The following ALK variants were observed in gnomAD, a reference collection of about 807,000 sequenced individuals.
The protein encoded by ALK is ALK tyrosine kinase receptor.
ALK carries 74 observed loss-of-function variants against 163.1 expected under a neutral mutation model. That is an observed-to-expected ratio of 0.45 (90% CI 0.38 to 0.55). ALK has a LOEUF of 0.55. Ranked by LOEUF, ALK falls within the 20% of genes least tolerant of loss-of-function variation. ALK has a pLI of 0.00. For synonymous variants in ALK, 960 were observed against 843.2 expected (o/e 1.14, Z -2.40); for missense variants, 2,063 against 2,105.3 (o/e 0.98, Z 0.39).
chr2:29,489,013 G>A (rs1671841145), intron 4 of ALK, among the ~76,000 whole-genome samples: 1 of 152,158 alleles, frequency 6.6e-6, no homozygotes, highest in Admixed American at 6.5e-5. Context: ...ACTGATCATT[G>A]TCAGGATCTA....
At chr2:29,194,346 G>C (rs1192373225) in intron 28 of ALK, among the ~76,000 whole-genome samples, 10 of 152,060 alleles carry the variant, frequency 6.6e-5, no homozygotes, top group Admixed American at 5.9e-4. Flanking sequence ...GTGGGGGGCT[G>C]GGGGGAGGAG....
chr2:29,496,597 T>C (rs1428191484), intron 4 of ALK, among the ~76,000 whole-genome samples: 1 of 152,258 alleles, frequency 6.6e-6, no homozygotes, highest in Non-Finnish European at 1.5e-5. Context: ...GATAACTTTT[T>C]CTAATATGAC....
At chr2:29,442,964 T>G (rs1478539811) in intron 4 of ALK, among the ~76,000 whole-genome samples, 1 of 152,214 alleles carries the variant, frequency 6.6e-6, no homozygotes, top group Non-Finnish European at 1.5e-5. Flanking sequence ...AATTGCCACA[T>G]GGTGGCTACA....
At chr2:29,581,595 G>T (rs1057372017) in intron 3 of ALK, among the ~76,000 whole-genome samples, 1 of 152,106 alleles carries the variant, frequency 6.6e-6, no homozygotes, top group Non-Finnish European at 1.5e-5. Context: ...AGGCTGGGAA[G>T]GTGAAGTGTG....
intron 4 of ALK, among the ~76,000 whole-genome samples, chr2:29,417,111 C>T (rs1461854103): frequency 6.6e-6 from 1 of 151,468 alleles, no homozygotes; most frequent in African/African-American, 2.4e-5. Flanking sequence ...CCTCAGCCTC[C>T]CGGGTAGCTG....
intron 9 of ALK, among the ~76,000 whole-genome samples, chr2:29,289,805 A>G (rs1573197152): frequency 6.6e-6 from 1 of 152,082 alleles, no homozygotes; most frequent in Admixed American, 6.5e-5. Flanking sequence ...CTCTGCTTCT[A>G]TTCGTGTGGG....
chr2:29,840,096 C>A (rs1181004049), intron 1 of ALK, among the ~76,000 whole-genome samples: 1 of 152,164 alleles, frequency 6.6e-6, no homozygotes, highest in African/African-American at 2.4e-5. Flanking sequence ...TTAACTGCTA[C>A]GTTATACCGC....
chr2:29,709,341 C>T (rs28534041), intron 2 of ALK, among the ~76,000 whole-genome samples: 412 of 152,254 alleles, frequency 2.7e-3, no homozygotes, highest in African/African-American at 9.5e-3. Flanking sequence ...TGTCCCTGCC[C>T]TTTAATAAAA....
chr2:29,586,974 G>A (rs1445648240), intron 3 of ALK, among the ~76,000 whole-genome samples: 1 of 152,138 alleles, frequency 6.6e-6, no homozygotes, highest in Non-Finnish European at 1.5e-5. Flanking sequence ...TGAGATGGGG[G>A]AATCTAGTAG....
intron 1 of ALK, among the ~76,000 whole-genome samples, chr2:29,754,763 A>G (rs1283793542): frequency 3.3e-5 from 5 of 152,160 alleles, no homozygotes; most frequent in Non-Finnish European, 2.9e-5. Flanking sequence ...TTAGGCTAAC[A>G]ATATTTGCCA....
chr2:29,895,280 C>A (rs1263575711), intron 1 of ALK, among the ~76,000 whole-genome samples: 2 of 152,198 alleles, frequency 1.3e-5, no homozygotes, highest in Non-Finnish European at 2.9e-5. Flanking sequence ...GGAGGGGTGA[C>A]AACTTGGGAA....
Position 29,875,922 on chromosome 2 carries a change from T to G in ALK, c.667+44071A>C, listed in dbSNP as rs368476912. Among the ~76,000 whole-genome samples the G allele has an allele frequency of 5.9e-5, 9 of 152,246 alleles. No individual in the cohort carries two copies. In the East Asian group the frequency reaches 7.7e-4, roughly 13 times the overall value. The stretch of plus-strand genomic sequence containing the variant: ...ACATGTGCTTTTAGAGTAGAATGAT[T>G]TATAATCCTTTGGGTATCTACCCAG... On this transcript the variant is annotated intron_variant, in intron 1 of 28. Transcript: ENST00000389048.
chr2:29,715,327 G>T (rs570161668), intron 2 of ALK, among the ~76,000 whole-genome samples: 1 of 152,320 alleles, frequency 6.6e-6, no homozygotes, highest in African/African-American at 2.4e-5. Flanking sequence ...CAATGGTTTG[G>T]GTCCTCTACT....
intron 1 of ALK, among the ~76,000 whole-genome samples, chr2:29,850,184 T>C (rs749117325): frequency 2.0e-5 from 3 of 152,104 alleles, no homozygotes; most frequent in Non-Finnish European, 4.4e-5. Flanking sequence ...GGCAACACTG[T>C]GGACATAGCT....
chr2:29,722,743 T>C (rs1179486504), intron 1 of ALK, among the ~76,000 whole-genome samples: 2 of 152,192 alleles, frequency 1.3e-5, no homozygotes, highest in African/African-American at 4.8e-5. Flanking sequence ...ACACAGAATA[T>C]ACATCCAACT....
chr2:29,789,669 G>T (rs1664137330), intron 1 of ALK, among the ~76,000 whole-genome samples: 4 of 152,186 alleles, frequency 2.6e-5, no homozygotes, highest in Admixed American at 2.6e-4. Context: ...TGGGGTGAAT[G>T]AATGGGGCTT....
chr2:29,791,604 G>A (rs1664191412), intron 1 of ALK, among the ~76,000 whole-genome samples: 2 of 152,134 alleles, frequency 1.3e-5, no homozygotes, highest in Non-Finnish European at 2.9e-5. Context: ...TTCTGCACAT[G>A]TATCCCAGAA....
intron 1 of ALK, among the ~76,000 whole-genome samples, chr2:29,864,710 AAGAGTTAAATCT>A (rs1292167677): frequency 9.9e-5 from 15 of 152,220 alleles, no homozygotes; most frequent in Non-Finnish European, 2.2e-4. Context: ...AAGAAAAGAG[AAGAGTTAAATCT>A]ATTGAATGGG....
At chr2:29,878,018 T>C (rs1173342322) in intron 1 of ALK, among the ~76,000 whole-genome samples, 1 of 152,194 alleles carries the variant, frequency 6.6e-6, no homozygotes, top group Non-Finnish European at 1.5e-5. Flanking sequence ...GAGGGCATTA[T>C]CCCATCCACC....
Sources: gnomAD v4.1 joint callset for allele counts (sites outside exome capture counted in the v4.1 genomes callset) on GRCh38, gnomAD v4.1.1 for gene constraint, MANE v1.5 for transcripts, NCBI Gene and HGNC (gene_info 2026-07-23, HGNC 2026-07-21) for gene names.